The following PKP4 variants were observed in gnomAD, a reference collection of about 807,000 sequenced individuals.
PKP4 encodes plakophilin 4.
A neutral mutation model predicts 145.1 loss-of-function variants in PKP4; 90 were observed. The observed-to-expected ratio is 0.62, with a 90% CI of 0.52 to 0.74. The LOEUF is 0.74. PKP4 is among the 30% of genes least tolerant of loss of function. The pLI is 0.00. For missense variants in PKP4, 1,340 were observed against 1,482.7 expected (o/e 0.90, Z 1.58); for synonymous variants, 563 against 577.2 (o/e 0.98, Z 0.35).
At chr2:158,603,131 T>C (rs759961121) in intron 4 of PKP4, 27 bp downstream of exon 4, 9 of 1,322,184 alleles carry the variant, frequency 6.8e-6, no homozygotes, top group Non-Finnish European at 6.3e-6. Flanking sequence ...ATAAAAGTTA[T>C]GTTTGATAAA....
chr2:158,530,137 C>T (rs954643733), intron 1 of PKP4, among the ~76,000 whole-genome samples: 9 of 152,152 alleles, frequency 5.9e-5, no homozygotes, highest in African/African-American at 1.9e-4. Flanking sequence ...TCCATGGTTA[C>T]GCTGCCACAG....
chr2:158,611,756 T>G (rs2051168774), intron 4 of PKP4, among the ~76,000 whole-genome samples: 1 of 152,208 alleles, frequency 6.6e-6, no homozygotes. Flanking sequence ...GATGCCGTCA[T>G]TTATTATAGC....
intron 1 of PKP4, among the ~76,000 whole-genome samples, chr2:158,473,247 T>C (rs1691883984): frequency 6.6e-6 from 1 of 152,192 alleles, no homozygotes; most frequent in South Asian, 2.1e-4. Context: ...GAAAGCAGTA[T>C]GGTGATTCCT....
intron 2 of PKP4, among the ~76,000 whole-genome samples, chr2:158,546,842 G>A (rs990038438): frequency 2.0e-5 from 3 of 152,126 alleles, no homozygotes; most frequent in Non-Finnish European, 4.4e-5. Flanking sequence ...TCACAGAGAG[G>A]CTACAGTAAG....
At chr2:158,466,585 G>A (rs1690655532) in intron 1 of PKP4, among the ~76,000 whole-genome samples, 1 of 151,806 alleles carries the variant, frequency 6.6e-6, no homozygotes. Flanking sequence ...GGCGCCTGTA[G>A]TCCCAGCTAC....
At chr2:158,625,893 A>G (rs960501157) in intron 7 of PKP4, among the ~76,000 whole-genome samples, 6 of 152,134 alleles carry the variant, frequency 3.9e-5, no homozygotes, top group Admixed American at 3.3e-4. Context: ...TATGAATTTT[A>G]TCCCCTACTT....
chr2:158,636,744 A>T (rs1176405162), intron 9 of PKP4, among the ~76,000 whole-genome samples: 1 of 152,100 alleles, frequency 6.6e-6, no homozygotes, highest in Non-Finnish European at 1.5e-5. Context: ...ATTTTTATTA[A>T]TGCCTTCAAA....
At chr2:158,529,883 T>A (rs991682724) in intron 1 of PKP4, among the ~76,000 whole-genome samples, 1 of 152,326 alleles carries the variant, frequency 6.6e-6, no homozygotes, top group Non-Finnish European at 1.5e-5. Context: ...TTCTTAGTCA[T>A]TGAAGAACTT....
chr2:158,613,128 A>G (rs1270130980), intron 4 of PKP4, among the ~76,000 whole-genome samples: 1 of 152,172 alleles, frequency 6.6e-6, no homozygotes, highest in Non-Finnish European at 1.5e-5. Flanking sequence ...ACGCCCAGGC[A>G]TCACCCCCAC....
At chr2:158,522,474 G>A (rs11688809) in intron 1 of PKP4, among the ~76,000 whole-genome samples, 29,715 of 152,094 alleles carry the variant, frequency 0.2, 3,742 homozygotes, top group Middle Eastern at 0.34. Context: ...TATACTGCCA[G>A]TTTCACATAT....
rs771101555 is a variant in PKP4, at chr2:158,533,289, C to T, written c.105C>T (p.Thr35=). The change falls in exon 2 of 22, where the codon ACC becomes ACT. Residue 35 remains threonine (T), a synonymous_variant. Transcript: ENST00000389759. ...GPGMEPETTA[T]TILASVKEQE... ...GCATGGAACCCGAGACCACAGCCAC[C>T]ACTATTCTAGCATCCGTGAAGGAGC... is the stretch of plus-strand genomic sequence containing the variant. The T allele has an allele frequency of 8.7e-6, 14 of 1,614,078 alleles. No homozygotes were observed. Among genetic ancestry groups the T allele is most frequent in the African/African-American group, 1.3e-5 (1 of 74,922 alleles).
At chr2:158,639,775 AT>A (rs2054122108) in intron 9 of PKP4, among the ~76,000 whole-genome samples, 1 of 152,236 alleles carries the variant, frequency 6.6e-6, no homozygotes, top group Non-Finnish European at 1.5e-5. Context: ...GTTCAAAAAA[AT>A]GGTATAGCAT....
chr2:158,483,515 C>T (rs1235826055), intron 1 of PKP4, among the ~76,000 whole-genome samples: 3 of 152,034 alleles, frequency 2.0e-5, no homozygotes, highest in Non-Finnish European at 4.4e-5. Context: ...ACTCTAGCTA[C>T]ATATTAATGA....
chr2:158,565,210 G>T (rs1217883411), intron 2 of PKP4, among the ~76,000 whole-genome samples: 2 of 152,020 alleles, frequency 1.3e-5, no homozygotes, highest in South Asian at 2.1e-4. Context: ...AGTACTGCCC[G>T]ATATTATTAT....
chr2:158,632,937 A>G (rs1558923018), intron 8 of PKP4, among the ~76,000 whole-genome samples: 2 of 152,242 alleles, frequency 1.3e-5, no homozygotes, highest in African/African-American at 2.4e-5. Flanking sequence ...GCAGGAAGAT[A>G]TGTACACAGT....
chr2:158,604,373 T>C (rs2050476338), intron 4 of PKP4, among the ~76,000 whole-genome samples: 1 of 152,168 alleles, frequency 6.6e-6, no homozygotes, highest in Non-Finnish European at 1.5e-5. Flanking sequence ...CCAGGGACTT[T>C]ATACTCTCTC....
rs568487981 is a variant in PKP4, at chr2:158,680,386, A to T, written c.3331-43A>T. ...TAATTTTCCTAACACATGTATTTTTAAAAAATTGCTTTTATTTATTTGCCT... is the reference window on the plus strand; with the variant it reads ...TAATTTTCCTAACACATGTATTTTTTAAAAATTGCTTTTATTTATTTGCCT... On this transcript the variant is annotated intron_variant, in intron 21 of 21. Transcript: ENST00000389759. The T allele has an allele frequency of 1.9e-4, 283 of 1,491,080 alleles. 4 individuals carry two copies. In the South Asian group the frequency reaches 3.1e-3, roughly 16 times the overall value. 92.4% of individuals were successfully genotyped at this position (1,491,080 alleles called of 1,614,324 possible).
chr2:158,480,286 G>T (rs1168441829), intron 1 of PKP4, among the ~76,000 whole-genome samples: 1 of 152,140 alleles, frequency 6.6e-6, no homozygotes, highest in African/African-American at 2.4e-5. Flanking sequence ...GCCCAGGCTG[G>T]AGTGCAATAG....
At position 158,631,778 on chromosome 2, in the gene PKP4, G is replaced by T. The variant is rs188512859; in HGVS notation, c.1179G>T (p.Gln393His). The change falls in exon 8 of 22, where the codon CAG becomes CAT. Residue 393 changes from glutamine to histidine, a missense_variant. Transcript: ENST00000389759. ...LTGLRSSYAS[Q>H]HSQLGQDLRS... ...GCTTACGGAGTTCCTATGCTAGTCA[G>T]CATAGTCAGCTTGGGCAAGACCTTC... 6.2e-7 allele frequency: 1 copy of T among 1,614,044 alleles called. No homozygotes were observed. The highest frequency in any genetic ancestry group is 1.1e-5 in the South Asian group (1 of 91,078).
Sources: gnomAD v4.1 joint callset for allele counts (sites outside exome capture counted in the v4.1 genomes callset) on GRCh38, gnomAD v4.1.1 for gene constraint, MANE v1.5 for transcripts, NCBI Gene and HGNC (gene_info 2026-07-23, HGNC 2026-07-21) for gene names.